Variants in GULP1 observed in about 807,000 individuals in gnomAD.
The protein encoded by GULP1 is GULP PTB domain containing engulfment adaptor 1, also known as PTB domain-containing engulfment adapter protein 1.
A neutral mutation model predicts 40.9 loss-of-function variants in GULP1; 19 were observed. The observed-to-expected ratio is 0.46, with a 90% CI of 0.32 to 0.68. GULP1 has a LOEUF of 0.68. Ranked by LOEUF, GULP1 falls within the 30% of genes least tolerant of loss-of-function variation. GULP1 has a pLI of 0.03. For synonymous variants in GULP1, 119 were observed against 117.6 expected (o/e 1.01, Z -0.08); for missense variants, 312 against 362.2 (o/e 0.86, Z 1.12).
At chr2:188,418,902 A>C (rs2054965207) in intron 2 of GULP1, among the ~76,000 whole-genome samples, 2 of 152,182 alleles carry the variant, frequency 1.3e-5, no homozygotes. Flanking sequence ...AGGGCCTGGC[A>C]ACCATAGTTA....
chr2:188,563,795 C>T (rs972774509), intron 7 of GULP1, among the ~76,000 whole-genome samples: 3 of 151,808 alleles, frequency 2.0e-5, no homozygotes, highest in African/African-American at 7.2e-5. Flanking sequence ...CTGTGTTACC[C>T]TGATTGAAAA....
chr2:188,373,821 A>T (rs2047937746), intron 1 of GULP1, among the ~76,000 whole-genome samples: 1 of 152,008 alleles, frequency 6.6e-6, no homozygotes, highest in African/African-American at 2.4e-5. Context: ...TTCATTTGGA[A>T]TGAAGAGAGA....
chr2:188,432,989 A>T (rs72911423), intron 2 of GULP1, among the ~76,000 whole-genome samples: 18,380 of 152,222 alleles, frequency 0.12, 1,268 homozygotes, highest in Middle Eastern at 0.17. Flanking sequence ...AAAATGTAAA[A>T]GATTGGGTCC....
intron 1 of GULP1, among the ~76,000 whole-genome samples, chr2:188,312,965 T>G (rs1331431188): frequency 8.8e-6 from 1 of 113,922 alleles, no homozygotes; most frequent in African/African-American, 2.9e-5. Flanking sequence ...TTGATGGGGT[T>G]GTTTGTTTTT....
At chr2:188,433,840 A>G (rs1006430249) in intron 2 of GULP1, among the ~76,000 whole-genome samples, 2 of 152,080 alleles carry the variant, frequency 1.3e-5, no homozygotes, top group African/African-American at 4.8e-5. Context: ...ATTTTGCTTT[A>G]TAATTTAGCA....
At chr2:188,468,344 AAAAATATCTTC>A (rs1335448875) in intron 2 of GULP1, among the ~76,000 whole-genome samples, 2 of 152,196 alleles carry the variant, frequency 1.3e-5, no homozygotes, top group African/African-American at 4.8e-5. Flanking sequence ...TCCTTACTCT[AAAAATATCTTC>A]AAAATTATTA....
At chr2:188,593,890 T>C in intron 11 of GULP1, 50 bp from the exon 12 acceptor site, 2 of 998,584 alleles carry the variant, frequency 2.0e-6, no homozygotes, top group Non-Finnish European at 3.2e-6. Context: ...TCACTGATTT[T>C]ATTTTGCTGT....
At chr2:188,535,056 A>G (rs912006780) in intron 6 of GULP1, among the ~76,000 whole-genome samples, 3 of 151,096 alleles carry the variant, frequency 2.0e-5, no homozygotes, top group African/African-American at 7.3e-5. Context: ...GTTTAATATT[A>G]AATTGGTAAT....
chr2:188,478,577 G>A (rs1016728315), intron 3 of GULP1, among the ~76,000 whole-genome samples: 2 of 152,064 alleles, frequency 1.3e-5, no homozygotes. Context: ...GATTACAGAT[G>A]TGTGAGGAAA....
intron 2 of GULP1, among the ~76,000 whole-genome samples, chr2:188,405,584 C>G (rs1261109732): frequency 6.6e-6 from 1 of 152,160 alleles, no homozygotes; most frequent in Non-Finnish European, 1.5e-5. Context: ...AGGCTTCAGG[C>G]CAGCCCTCAG....
chr2:188,590,480 G>A (rs1215410327), intron 11 of GULP1: 1 of 152,102 alleles, frequency 6.6e-6, no homozygotes, highest in Non-Finnish European at 1.5e-5. Flanking sequence ...GAGTTAATAA[G>A]CCTAGTGAGA....
intron 2 of GULP1, among the ~76,000 whole-genome samples, chr2:188,468,831 G>A (rs1470642427): frequency 6.6e-6 from 1 of 152,104 alleles, no homozygotes; most frequent in Admixed American, 6.6e-5. Context: ...GCAACGAGGG[G>A]AGGGGGGCAA....
chr2:188,295,233 A>G (rs2034653999), intron 1 of GULP1, among the ~76,000 whole-genome samples: 1 of 152,214 alleles, frequency 6.6e-6, no homozygotes, highest in Non-Finnish European at 1.5e-5. Flanking sequence ...TTTATGACAT[A>G]CAAACAGACT....
intron 7 of GULP1, among the ~76,000 whole-genome samples, chr2:188,563,118 C>G (rs1019365849): frequency 1.3e-5 from 2 of 151,658 alleles, no homozygotes; most frequent in Admixed American, 6.6e-5. Flanking sequence ...TAAATGAAAA[C>G]AAGAAAAACA....
intron 1 of GULP1, among the ~76,000 whole-genome samples, chr2:188,337,857 G>A (rs2042472404): frequency 6.6e-6 from 1 of 151,888 alleles, no homozygotes; most frequent in Non-Finnish European, 1.5e-5. Context: ...TTGTGAGTAA[G>A]AACTCTGTGC....
intron 6 of GULP1, among the ~76,000 whole-genome samples, chr2:188,540,426 A>G (rs1174639157): frequency 7.1e-5 from 5 of 70,868 alleles, no homozygotes; most frequent in Admixed American, 4.1e-4. Context: ...TATAAGTTTT[A>G]TAATTTAATA....
intron 4 of GULP1, among the ~76,000 whole-genome samples, chr2:188,519,405 G>A (rs1366135041): frequency 2.0e-5 from 3 of 152,056 alleles, no homozygotes; most frequent in Non-Finnish European, 2.9e-5. Context: ...TATTCCTCCA[G>A]AAATACTGCC....
At chr2:188,565,487 C>T (rs1697435819) in intron 7 of GULP1, among the ~76,000 whole-genome samples, 1 of 151,968 alleles carries the variant, frequency 6.6e-6, no homozygotes, top group Non-Finnish European at 1.5e-5. Context: ...AAACACATTA[C>T]TATAGCATCA....
At chr2:188,573,091 T>C (rs947663217) in intron 9 of GULP1, among the ~76,000 whole-genome samples, 1 of 152,198 alleles carries the variant, frequency 6.6e-6, no homozygotes, top group Non-Finnish European at 1.5e-5. Flanking sequence ...TTGCTAAAAT[T>C]TAAATGTAAA....
Sources: allele counts gnomAD v4.1 joint callset (sites outside exome capture counted in the v4.1 genomes callset), GRCh38; gene constraint gnomAD v4.1.1; transcripts MANE v1.5; gene names NCBI Gene and HGNC (gene_info 2026-07-23, HGNC 2026-07-21).